RPS6KA2: variants seen among roughly 807,000 people sequenced by gnomAD.
The protein encoded by RPS6KA2 is ribosomal protein S6 kinase A2.
In RPS6KA2, 42 loss-of-function variants were observed where a neutral mutation model predicts 91.8. The ratio of observed to expected loss-of-function variants is 0.46; its 90% CI spans 0.36 to 0.59. RPS6KA2 has a LOEUF of 0.59. Among genes scored for constraint, RPS6KA2 ranks in the 20% least tolerant of loss-of-function variants. RPS6KA2 has a pLI of 0.00. For synonymous variants in RPS6KA2, 414 were observed against 393.6 expected (o/e 1.05, Z -0.61); for missense variants, 798 against 978.5 (o/e 0.82, Z 2.46).
chr6:166,729,245 T>TGCC (rs1474922346), intron 2 of RPS6KA2, among the ~76,000 whole-genome samples: 3 of 152,232 alleles, frequency 2.0e-5, no homozygotes, highest in Non-Finnish European at 2.9e-5. Flanking sequence ...CCTTCATGGC[T>TGCC]GCCTACAAGC....
At chr6:166,438,177 GT>G (rs1220657322) in intron 14 of RPS6KA2, among the ~76,000 whole-genome samples, 3 of 152,250 alleles carry the variant, frequency 2.0e-5, no homozygotes, top group African/African-American at 7.2e-5. Flanking sequence ...AAGAACTCCT[GT>G]TTTATCCTGG....
At chr6:166,818,836 C>T (rs931753816) in intron 2 of RPS6KA2, among the ~76,000 whole-genome samples, 5 of 151,886 alleles carry the variant, frequency 3.3e-5, no homozygotes, top group East Asian at 1.9e-4. Context: ...TACGTGTTCC[C>T]GCTGATAACT....
intron 2 of RPS6KA2, among the ~76,000 whole-genome samples, chr6:166,763,863 G>A (rs1230034921): frequency 2.0e-5 from 3 of 152,314 alleles, no homozygotes; most frequent in African/African-American, 4.8e-5. Context: ...TCGAGAAAGA[G>A]GGGTGCACCC....
rs77748259 is a variant in RPS6KA2 at position 166,498,142 on chromosome 6, A to G, written c.747+366T>C. 6.4e-3 allele frequency among the ~76,000 whole-genome samples: 980 copies of G among 152,380 alleles called. 3 individuals are homozygous for G. Among genetic ancestry groups the G allele is most frequent in the Middle Eastern group, 0.031 (9 of 294 alleles). The stretch of plus-strand genomic sequence containing the variant: ...TGCAAAAATGCCTAACTCCGTGTAC[A>G]TCTCAGTTTGTAACTAAGCGCAAGG... On this transcript the variant is annotated intron_variant, in intron 8 of 20. Transcript: ENST00000265678.
At chr6:166,655,394 TGTG>T (rs1477992293) in intron 2 of RPS6KA2, among the ~76,000 whole-genome samples, 6 of 152,274 alleles carry the variant, frequency 3.9e-5, no homozygotes, top group East Asian at 3.9e-4. Context: ...GTCAGTGAAA[TGTG>T]GTGAATGATG....
chr6:166,767,754 C>T lies in RPS6KA2; in HGVS notation c.123+90446G>A, dbSNP rs115262036. Among the ~76,000 whole-genome samples the T allele has an allele frequency of 2.8e-3, 419 of 149,620 alleles. No homozygotes were observed. The highest frequency in any genetic ancestry group is 9.7e-3 in the African/African-American group (393 of 40,554). The stretch of plus-strand genomic sequence containing the variant: ...ATATTGTTTCCCAAATTATTAAGAA[C>T]TAAAGACAATACCTCCTCAAACACA... On this transcript the variant is annotated intron_variant, in intron 2 of 21. Transcript: ENST00000503859. The surrounding 1 kb of genome is among the most constrained non-coding windows in gnomAD (Gnocchi z 4.6).
At chr6:166,414,497 CACATGCACAT>C (rs1778431416) in intron 19 of RPS6KA2, among the ~76,000 whole-genome samples, 1 of 152,200 alleles carries the variant, frequency 6.6e-6, no homozygotes, top group Non-Finnish European at 1.5e-5. Context: ...CATGTGTGTA[CACATGCACAT>C]ACAATACAGT....
chr6:166,595,401 C>T (rs1044069648), intron 1 of RPS6KA2, among the ~76,000 whole-genome samples: 1 of 152,210 alleles, frequency 6.6e-6, no homozygotes, highest in Non-Finnish European at 1.5e-5. Context: ...CTCTATGATG[C>T]TATTTCATAA....
At chr6:166,567,251 T>C (rs559545577) in intron 1 of RPS6KA2, among the ~76,000 whole-genome samples, 1 of 152,266 alleles carries the variant, frequency 6.6e-6, no homozygotes, top group Admixed American at 6.5e-5. Flanking sequence ...GAAATCCAAA[T>C]CCTTGACATG....
intron 2 of RPS6KA2, among the ~76,000 whole-genome samples, chr6:166,799,539 GA>G (rs1203701398): frequency 6.7e-6 from 1 of 150,152 alleles, no homozygotes; most frequent in African/African-American, 2.4e-5. Flanking sequence ...TGAGCTTATA[GA>G]GAAAAAGGAG....
chr6:166,710,033 G>A (rs1365593798), intron 2 of RPS6KA2, among the ~76,000 whole-genome samples: 3 of 152,130 alleles, frequency 2.0e-5, no homozygotes, highest in Admixed American at 2.0e-4. Flanking sequence ...AAATCCTGAT[G>A]GAATAATAAT....
chr6:166,746,010 C>T (rs1236491288), intron 2 of RPS6KA2, among the ~76,000 whole-genome samples: 2 of 152,370 alleles, frequency 1.3e-5, no homozygotes, highest in Non-Finnish European at 1.5e-5. Context: ...GCCAGCGGTG[C>T]TGCTGTGAGT....
chr6:166,540,654 C>T lies in RPS6KA2; in HGVS notation c.100-1870G>A, dbSNP rs571478364. ...ATTTAGATGCTAATTTGTGAGGGGA[C>T]ATCACATTTTAAGCCCTTCCTCCCT... On this transcript the variant is annotated intron_variant, in intron 1 of 20. Coordinates refer to ENST00000265678, the MANE Select transcript of RPS6KA2 (RefSeq NM_021135.6). Among the ~76,000 whole-genome samples, 4 of 152,298 alleles carry T rather than the reference C, an allele frequency of 2.6e-5. No individual in the cohort carries two copies. In the South Asian group the frequency reaches 8.3e-4, roughly 32 times the overall value.
intron 11 of RPS6KA2, among the ~76,000 whole-genome samples, chr6:166,462,824 C>G (rs1175939573): frequency 6.6e-6 from 1 of 152,252 alleles, no homozygotes; most frequent in Non-Finnish European, 1.5e-5. Context: ...CAGAGGGAGG[C>G]ATGCGTGTGA....
At chr6:166,690,973 A>G (rs1255397650) in intron 2 of RPS6KA2, among the ~76,000 whole-genome samples, 1 of 152,154 alleles carries the variant, frequency 6.6e-6, no homozygotes, top group Non-Finnish European at 1.5e-5. Context: ...TAAATAATTA[A>G]TGTGATCATC....
chr6:166,820,863 T>C (rs1270049464), intron 2 of RPS6KA2, among the ~76,000 whole-genome samples: 2 of 152,220 alleles, frequency 1.3e-5, no homozygotes, highest in Non-Finnish European at 2.9e-5. Context: ...TCAATTATAA[T>C]TAACCAATTA....
Position 166,471,608 on chromosome 6 carries a change from C to T in RPS6KA2, c.908-1703G>A, listed in dbSNP as rs144776106. On this transcript the variant is annotated intron_variant, in intron 10 of 20. Transcript: ENST00000265678. The stretch of plus-strand genomic sequence containing the variant: ...TCAGGAGTTTCTCCTTCCATGAGGA[C>T]GCAGAATCATAGGACAGACATAGCA... Among the ~76,000 whole-genome samples, 156 of 152,364 alleles carry T rather than the reference C, an allele frequency of 1.0e-3. 1 individual carries two copies. Among genetic ancestry groups the T allele is most frequent in the African/African-American group, 3.7e-3 (152 of 41,590 alleles).
intron 3 of RPS6KA2, among the ~76,000 whole-genome samples, chr6:166,529,824 C>T (rs1188401953): frequency 6.6e-6 from 1 of 152,224 alleles, no homozygotes; most frequent in African/African-American, 2.4e-5. Context: ...AACACACAGA[C>T]AATTCTAATC....
chr6:166,756,276 C>T (rs1422658368), intron 2 of RPS6KA2, among the ~76,000 whole-genome samples: 1 of 151,816 alleles, frequency 6.6e-6, no homozygotes, highest in Non-Finnish European at 1.5e-5. Flanking sequence ...GGCAACAGAG[C>T]GAGACTCCGT....
Sources: allele counts gnomAD v4.1 joint callset (sites outside exome capture counted in the v4.1 genomes callset), GRCh38; gene constraint gnomAD v4.1.1; non-coding constraint Gnocchi (gnomAD v3.1); transcripts MANE v1.5; gene names NCBI Gene and HGNC (gene_info 2026-07-23, HGNC 2026-07-21).